CFAP70: variants seen among roughly 807,000 people sequenced by gnomAD.
CFAP70 encodes the protein cilia- and flagella-associated protein 70.
In CFAP70, 81 loss-of-function variants were observed where a neutral mutation model predicts 137.6. The observed-to-expected ratio is 0.59, with a 90% confidence interval of 0.49 to 0.71. The LOEUF is 0.71. CFAP70 is among the 30% of genes least tolerant of loss of function. The pLI is 0.00. For synonymous variants in CFAP70, 382 were observed against 423.6 expected (o/e 0.90, Z 1.20); for missense variants, 976 against 1,226.7 (o/e 0.80, Z 3.05).
Position 73,351,007 on chromosome 10 carries a change from GTA to G in CFAP70, c.251-2488_251-2487del, listed in dbSNP as rs1292135599. ...TGTATATATATGTGTGTATATGTGT[GTA>G]TGTGTGTGTATATATATGTGTATAT... On this transcript the variant is annotated intron_variant, in intron 3 of 26. Transcript: ENST00000310715. Among the ~76,000 whole-genome samples, 813 of 134,708 alleles carry G rather than the reference GTA, an allele frequency of 6.0e-3. 11 individuals are homozygous for G. The highest frequency in any genetic ancestry group is 0.026 in the African/African-American group (768 of 29,768). The allele number at this position is 134,708 out of a possible 152,430, so 88.4% of individuals were successfully genotyped here. A position where few individuals can be genotyped will look rare whatever the true frequency, so the allele number is the denominator to read the frequency against.
At chr10:73,343,406 C>T (rs902902065) in intron 5 of CFAP70, among the ~76,000 whole-genome samples, 1 of 151,850 alleles carries the variant, frequency 6.6e-6, no homozygotes, top group Non-Finnish European at 1.5e-5. Context: ...ACTAAGACTA[C>T]TGCATAAAAC....
intron 25 of CFAP70, among the ~76,000 whole-genome samples, chr10:73,268,695 T>G (rs1345346679): frequency 1.4e-5 from 2 of 142,722 alleles, no homozygotes; most frequent in Middle Eastern, 3.5e-3. Context: ...TTTTTCTTCT[T>G]TTTTTTCTTT....
At chr10:73,316,493 T>G (rs201341151) in intron 9 of CFAP70, among the ~76,000 whole-genome samples, 1,442 of 128,748 alleles carry the variant, frequency 0.011, 31 homozygotes, top group Admixed American at 0.053. Flanking sequence ...TATAGATATA[T>G]ATATATATAT....
intron 12 of CFAP70, among the ~76,000 whole-genome samples, chr10:73,306,716 A>G (rs997894433): frequency 1.3e-5 from 2 of 152,024 alleles, no homozygotes; most frequent in African/African-American, 4.8e-5. Context: ...AAAATTACAG[A>G]AAAAAAAGGT....
At chr10:73,356,959 G>A (rs1477123716) in intron 1 of CFAP70, among the ~76,000 whole-genome samples, 4 of 152,120 alleles carry the variant, frequency 2.6e-5, no homozygotes, top group Non-Finnish European at 5.9e-5. Context: ...GAGATAAGAT[G>A]TGAACTCTCT....
At chr10:73,348,429 G>C in exon 4 of CFAP70, 1 of 1,600,484 alleles carries the variant, frequency 6.2e-7, no homozygotes, top group Non-Finnish European at 8.5e-7. Context: ...TGACCTTCCA[G>C]TAAGGGAAGA....
At chr10:73,343,306 G>A (rs1475098301) in intron 5 of CFAP70, among the ~76,000 whole-genome samples, 2 of 152,068 alleles carry the variant, frequency 1.3e-5, no homozygotes, top group Non-Finnish European at 2.9e-5. Flanking sequence ...CTCATGAGCT[G>A]ATGCTGCGCC....
chr10:73,347,603 T>C (rs1236965246), intron 4 of CFAP70, among the ~76,000 whole-genome samples: 3 of 152,118 alleles, frequency 2.0e-5, no homozygotes, highest in African/African-American at 4.8e-5. Flanking sequence ...AAAACTAAGA[T>C]AAAAGGAAGA....
intron 16 of CFAP70, 67 bp downstream of exon 17, chr10:73,293,196 C>A: frequency 6.7e-7 from 1 of 1,503,016 alleles, no homozygotes; most frequent in South Asian, 1.3e-5. Context: ...TTTAAACAAT[C>A]AAAAATTACT....
chr10:73,267,962 A>G (rs1186356560), intron 25 of CFAP70, among the ~76,000 whole-genome samples: 1 of 152,188 alleles, frequency 6.6e-6, no homozygotes, highest in Non-Finnish European at 1.5e-5. Context: ...GAGATGCTAT[A>G]CTGAATGATT....
At chr10:73,337,275 G>C (rs966000479) in intron 6 of CFAP70, among the ~76,000 whole-genome samples, 2 of 152,058 alleles carry the variant, frequency 1.3e-5, no homozygotes, top group Non-Finnish European at 2.9e-5. Flanking sequence ...GAGGTCAGGA[G>C]TTTGAAACCA....
chr10:73,275,991 CCTTT>C lies in CFAP70; in HGVS notation c.2521-397_2521-394del. 1 of 155,066 alleles carries C rather than the reference CCTTT, an allele frequency of 6.4e-6. No homozygotes were observed. The highest frequency in any genetic ancestry group is 2.1e-4 in the South Asian group (1 of 4,856). 9.6% of individuals were successfully genotyped at this position (155,066 alleles called of 1,614,324 possible). ...AGGAAACTTAAGTGAGGTAAAACTG[CCTTT>C]CTAACAATCTAGACTTGAAATCTTA... On this transcript the variant is annotated intron_variant, in intron 21 of 26. Coordinates refer to ENST00000310715, the Ensembl canonical transcript of CFAP70. The surrounding 1 kb of genome is among the most constrained non-coding windows in gnomAD (Gnocchi z 4.0).
At position 73,275,719 on chromosome 10, in the gene CFAP70, C is replaced by A; in HGVS notation, c.2521-121G>T. On this transcript the variant is annotated intron_variant, in intron 21 of 26. Transcript: ENST00000310715. The surrounding 1 kb of genome is among the most constrained non-coding windows in gnomAD (Gnocchi z 4.0). ...TGTATTACAGAATGAAATAATTATCCTCAACTTCAAAAGGTAAAGGGTGAA... is the reference window on the plus strand; with the variant it reads ...TGTATTACAGAATGAAATAATTATCATCAACTTCAAAAGGTAAAGGGTGAA... 1.1e-6 allele frequency: 1 copy of A among 898,250 alleles called. No individual in the cohort carries two copies. The highest frequency in any genetic ancestry group is 3.0e-5 in the East Asian group (1 of 33,244). The allele number at this position is 898,250 out of a possible 1,614,324, so 55.6% of individuals were successfully genotyped here.
chr10:73,257,459 A>G (rs1360401773), intron 25 of CFAP70, among the ~76,000 whole-genome samples: 4 of 152,252 alleles, frequency 2.6e-5, no homozygotes, highest in Non-Finnish European at 5.9e-5. Flanking sequence ...TGAGTTTGCT[A>G]CATAGTTACT....
exon 7 of CFAP70, chr10:73,335,489 C>A (rs991496696): frequency 6.2e-7 from 1 of 1,612,038 alleles, no homozygotes; most frequent in Non-Finnish European, 8.5e-7. Context: ...TAATCCTTTT[C>A]TTTATGCACT....
At chr10:73,315,229 A>C (rs1462704324) in intron 9 of CFAP70, among the ~76,000 whole-genome samples, 2 of 151,928 alleles carry the variant, frequency 1.3e-5, no homozygotes, top group Non-Finnish European at 2.9e-5. Context: ...AAAAAAAAAA[A>C]AAAAAAACAG....
At chr10:73,292,120 G>A (rs910450375) in intron 16 of CFAP70, 106 bp from the exon 18 acceptor site, 19 of 1,363,948 alleles carry the variant, frequency 1.4e-5, no homozygotes, top group Non-Finnish European at 1.9e-5. Context: ...TGAAAGCACA[G>A]ATTGTGACTT....
At position 73,278,034 on chromosome 10, in the gene CFAP70, G is replaced by C; in HGVS notation, c.2398+145C>G. 6 of 691,656 alleles carry C rather than the reference G, an allele frequency of 8.7e-6. No homozygotes were observed. In the South Asian group the frequency reaches 1.4e-4, roughly 16 times the overall value. The allele number at this position is 691,656 out of a possible 1,614,324, so 42.8% of individuals were successfully genotyped here. On this transcript the variant is annotated intron_variant, in intron 20 of 26. Coordinates refer to ENST00000310715, the Ensembl canonical transcript of CFAP70. Reference sequence around the variant, plus strand: ...GCTAAATATAAAATCCTTGCTTACTGAGAGAGTTACACCATTGAGTTTGGA... The same window carrying C: ...GCTAAATATAAAATCCTTGCTTACTCAGAGAGTTACACCATTGAGTTTGGA...
At chr10:73,311,007 G>A (rs780613407) in intron 11 of CFAP70, among the ~76,000 whole-genome samples, 13 of 151,838 alleles carry the variant, frequency 8.6e-5, no homozygotes, top group African/African-American at 2.4e-4. Flanking sequence ...CAAGAATTCC[G>A]ACCTGAAACA....
Sources: gnomAD v4.1 joint callset for allele counts (sites outside exome capture counted in the v4.1 genomes callset) on GRCh38, gnomAD v4.1.1 for gene constraint, Gnocchi (gnomAD v3.1) non-coding constraint, MANE v1.5 for transcripts, NCBI Gene and HGNC (gene_info 2026-07-23, HGNC 2026-07-21) for gene names.